Variants in PTCHD4 observed in about 807,000 individuals in gnomAD.
PTCHD4 encodes patched domain containing 4.
In PTCHD4, 33 loss-of-function variants were observed where a neutral mutation model predicts 58.1. The observed-to-expected ratio is 0.57, with a 90% confidence interval of 0.43 to 0.76. PTCHD4 has a LOEUF of 0.76. Among genes scored for constraint, PTCHD4 ranks in the 30% least tolerant of loss-of-function variants. The probability of loss-of-function intolerance (pLI) is 0.00; values close to 1 mark genes in which losing one functional copy is unlikely to be tolerated. For missense variants in PTCHD4, 1,058 were observed against 1,027.1 expected (o/e 1.03, Z -0.41); for synonymous variants, 478 against 409.6 (o/e 1.17, Z -2.02).
rs1244833245 is a variant in PTCHD4, at chr6:47,873,430, C to T, written c.*4873G>A. ...TCCACAACACTTCAAACACAGAACA[C>T]CACCTCTTGTGCTCCTAAGTTAAAC... is the stretch of plus-strand genomic sequence containing the variant. On this transcript the variant is annotated 3_prime_UTR_variant, in exon 5 of 5. Transcript: ENST00000339488. Among the ~76,000 whole-genome samples the T allele has an allele frequency of 6.6e-6, 1 of 151,626 alleles. No homozygotes were observed. Among genetic ancestry groups the T allele is most frequent in the Non-Finnish European group, 1.5e-5 (1 of 67,742 alleles).
chr6:47,938,963 A>G (rs1766110533), intron 4 of PTCHD4, among the ~76,000 whole-genome samples: 1 of 152,160 alleles, frequency 6.6e-6, no homozygotes, highest in Admixed American at 6.5e-5. Context: ...AAGGGAGTTC[A>G]GGGTACAAGA....
At chr6:47,910,402 C>T (rs1047104937) in intron 4 of PTCHD4, among the ~76,000 whole-genome samples, 7 of 152,090 alleles carry the variant, frequency 4.6e-5, no homozygotes, top group Non-Finnish European at 1.0e-4. Context: ...TATTACTTTG[C>T]ATATTTCTGT....
In PTCHD4 at chr6:47,882,835, G is replaced by C. The variant is rs1276517460; in HGVS notation, c.899-2899C>G. Among the ~76,000 whole-genome samples, 34 of 146,554 alleles carry C rather than the reference G, an allele frequency of 2.3e-4. 1 individual carries two copies. The highest frequency in any genetic ancestry group is 4.3e-4 in the South Asian group (2 of 4,640). On this transcript the variant is annotated intron_variant, in intron 4 of 4. Coordinates refer to ENST00000339488, the MANE Select transcript of PTCHD4 (RefSeq NM_001384253.1). ...TGCTGTTTTGCTCTGGAATTAAATG[G>C]TTTTCTCAAGATATGTTCTATCTCT... is the stretch of plus-strand genomic sequence containing the variant.
chr6:47,903,755 A>G (rs552809301), intron 4 of PTCHD4, among the ~76,000 whole-genome samples: 40 of 152,354 alleles, frequency 2.6e-4, no homozygotes, highest in African/African-American at 9.6e-4. Flanking sequence ...AGTGAAAAAG[A>G]CAAACAATAA....
chr6:47,882,871 G>T (rs1764063958), intron 4 of PTCHD4, among the ~76,000 whole-genome samples: 1 of 150,986 alleles, frequency 6.6e-6, no homozygotes, highest in Admixed American at 6.6e-5. Flanking sequence ...TGGTTGGATT[G>T]CAAATTCTTC....
Position 47,863,761 on chromosome 6 carries a change from T to C in PTCHD4, c.*14542A>G, listed in dbSNP as rs1763487536. ...GAAAATGACACATTCTTTTATACTC[T>C]ACGCCTTGGTTCCATGTTCCTAAAT... On this transcript the variant is annotated 3_prime_UTR_variant, in exon 5 of 5. Transcript: ENST00000339488. Among the ~76,000 whole-genome samples the C allele has an allele frequency of 6.6e-6, 1 of 151,974 alleles. No individual in the cohort carries two copies. Among genetic ancestry groups the C allele is most frequent in the African/African-American group, 2.4e-5 (1 of 41,426 alleles).
chr6:48,104,810 G>A (rs1039823225), intron 1 of PTCHD4, among the ~76,000 whole-genome samples: 5 of 152,006 alleles, frequency 3.3e-5, no homozygotes, highest in East Asian at 1.9e-4. Flanking sequence ...TCCTAGTCTC[G>A]GATAAAACAG....
intron 4 of PTCHD4, among the ~76,000 whole-genome samples, chr6:47,996,524 C>A (rs1158558861): frequency 2.0e-5 from 3 of 152,130 alleles, no homozygotes; most frequent in Admixed American, 6.5e-5. Flanking sequence ...ACCCCAGAAG[C>A]CCCGGGCTCA....
intron 3 of PTCHD4, among the ~76,000 whole-genome samples, chr6:48,036,982 A>G (rs1027737665): frequency 2.5e-4 from 38 of 152,128 alleles, no homozygotes; most frequent in African/African-American, 8.9e-4. Context: ...GTTCTTCAGC[A>G]AGGGATCCCC....
intron 1 of PTCHD4, among the ~76,000 whole-genome samples, chr6:48,080,965 T>C (rs1190779054): frequency 2.0e-5 from 3 of 152,152 alleles, no homozygotes; most frequent in Non-Finnish European, 2.9e-5. Context: ...ATCTTCAGGA[T>C]CTAAACAAAG....
At chr6:47,921,957 A>G (rs1222505985) in intron 4 of PTCHD4, among the ~76,000 whole-genome samples, 3 of 117,080 alleles carry the variant, frequency 2.6e-5, no homozygotes, top group Non-Finnish European at 3.8e-5. Context: ...AAAAAAAAAA[A>G]AAAGAAAAGA....
At chr6:48,071,404 A>G (rs1764972182) in intron 1 of PTCHD4, among the ~76,000 whole-genome samples, 1 of 152,238 alleles carries the variant, frequency 6.6e-6, no homozygotes, top group Non-Finnish European at 1.5e-5. Context: ...ATTAGGTGCA[A>G]TATGAAACCA....
intron 4 of PTCHD4, among the ~76,000 whole-genome samples, chr6:47,967,464 A>G (rs1201116088): frequency 6.6e-6 from 1 of 152,196 alleles, no homozygotes; most frequent in Non-Finnish European, 1.5e-5. Flanking sequence ...ATTTAAAGTC[A>G]CCAGCAATAT....
intron 4 of PTCHD4, among the ~76,000 whole-genome samples, chr6:47,962,843 A>G (rs1484211813): frequency 6.6e-6 from 1 of 151,990 alleles, no homozygotes; most frequent in Non-Finnish European, 1.5e-5. Context: ...AAAAAAAAAA[A>G]CAAGGTAACA....
Position 48,069,592 on chromosome 6 carries a change from G to T in PTCHD4, c.-635C>A, listed in dbSNP as rs532955091. On this transcript the variant is annotated 5_prime_UTR_variant, in exon 2 of 5. Transcript: ENST00000339488. ...CGGAGACTCCATCTATCCCTGGTGC[G>T]TTGGGACCGTCTGGATAGCTTCTTT... Among the ~76,000 whole-genome samples, 1 of 152,190 alleles carries T rather than the reference G, an allele frequency of 6.6e-6. No individual in the cohort carries two copies. The highest frequency in any genetic ancestry group is 2.4e-5 in the African/African-American group (1 of 41,456).
At chr6:48,062,028 T>C (rs1463060502) in intron 3 of PTCHD4, among the ~76,000 whole-genome samples, 2 of 152,174 alleles carry the variant, frequency 1.3e-5, no homozygotes, top group African/African-American at 4.8e-5. Context: ...CTGAAACAGG[T>C]CTGGGCAAAA....
intron 4 of PTCHD4, among the ~76,000 whole-genome samples, chr6:47,935,266 A>T (rs567612791): frequency 1.8e-4 from 27 of 152,204 alleles, no homozygotes; most frequent in Non-Finnish European, 3.2e-4. Flanking sequence ...GAAGTCTATC[A>T]TTCGTATGCT....
chr6:48,028,282 A>T (rs1763319883), intron 3 of PTCHD4, among the ~76,000 whole-genome samples: 1 of 151,858 alleles, frequency 6.6e-6, no homozygotes, highest in Non-Finnish European at 1.5e-5. Flanking sequence ...GAGAAAATAT[A>T]TGAGGTATGA....
chr6:48,012,624 G>T (rs1334398961), intron 3 of PTCHD4, among the ~76,000 whole-genome samples: 1 of 152,144 alleles, frequency 6.6e-6, no homozygotes, highest in Non-Finnish European at 1.5e-5. Context: ...AATAGGAGTG[G>T]TGAAAGAGGG....
Sources: gnomAD v4.1 joint callset for allele counts (sites outside exome capture counted in the v4.1 genomes callset) on GRCh38, gnomAD v4.1.1 for gene constraint, MANE v1.5 for transcripts, NCBI Gene and HGNC (gene_info 2026-07-23, HGNC 2026-07-21) for gene names.